The following IGSF11 variants were observed in gnomAD, a reference collection of about 807,000 sequenced individuals.
IGSF11 encodes the protein CXADR like 1.
In IGSF11, 22 loss-of-function variants were observed where a neutral mutation model predicts 41.0. The observed-to-expected ratio is 0.54, with a 90% CI of 0.38 to 0.77. The LOEUF (loss-of-function observed/expected upper bound fraction) is 0.77, where lower values mean the gene tolerates loss of function less well. Ranked by LOEUF, IGSF11 falls within the 30% of genes least tolerant of loss-of-function variation. The pLI is 0.00. For synonymous variants in IGSF11, 219 were observed against 201.3 expected (o/e 1.09, Z -0.74); for missense variants, 444 against 530.8 (o/e 0.84, Z 1.61).
rs543897700 is a variant in IGSF11 at position 119,074,807 on chromosome 3, G to A, written c.49+30337C>T. On this transcript the variant is annotated intron_variant, in intron 1 of 6. Transcript: ENST00000354673. Reference sequence around the variant, plus strand: ...GCGGAGCTTGCAGTGAGCTGAGATCGCACCACTGCACTCCAGCCTGGGCGA... The same window carrying A: ...GCGGAGCTTGCAGTGAGCTGAGATCACACCACTGCACTCCAGCCTGGGCGA... Among the ~76,000 whole-genome samples the A allele has an allele frequency of 1.6e-3, 250 of 152,036 alleles. 1 individual carries two copies. Among genetic ancestry groups the A allele is most frequent in the Admixed American group, 3.0e-3 (45 of 15,254 alleles).
chr3:119,043,931 T>C (rs1169739734), intron 1 of IGSF11, among the ~76,000 whole-genome samples: 1 of 152,146 alleles, frequency 6.6e-6, no homozygotes, highest in Non-Finnish European at 1.5e-5. Context: ...GTTCCAGATC[T>C]TTCCACTGAA....
At chr3:119,048,691 C>A (rs1441973662) in intron 1 of IGSF11, among the ~76,000 whole-genome samples, 61 of 151,752 alleles carry the variant, frequency 4.0e-4, no homozygotes, top group East Asian at 1.2e-3. Flanking sequence ...AGAGACACAA[C>A]AAAAAAAGAC....
intron 1 of IGSF11, among the ~76,000 whole-genome samples, chr3:119,059,950 A>C (rs1290687804): frequency 1.3e-5 from 2 of 152,320 alleles, no homozygotes; most frequent in East Asian, 3.9e-4. Context: ...GAGATGAAAA[A>C]GAGTTCATTC....
At chr3:118,922,400 TA>T in intron 4 of IGSF11, among the ~76,000 whole-genome samples, 1 of 132,068 alleles carries the variant, frequency 7.6e-6, no homozygotes, top group East Asian at 2.0e-4. Flanking sequence ...TCACATCACA[TA>T]ACTACCTTTG....
At chr3:119,013,881 A>G (rs914750405) in intron 1 of IGSF11, among the ~76,000 whole-genome samples, 2 of 152,238 alleles carry the variant, frequency 1.3e-5, no homozygotes, top group African/African-American at 4.8e-5. Context: ...ATCTTGAGTA[A>G]TAAGATTAAA....
chr3:119,040,730 GT>G (rs1248569334), intron 1 of IGSF11, among the ~76,000 whole-genome samples: 1 of 152,138 alleles, frequency 6.6e-6, no homozygotes, highest in East Asian at 1.9e-4. Flanking sequence ...CATGACACAT[GT>G]AGATACTGAA....
At chr3:118,999,155 G>C (rs936313974) in intron 1 of IGSF11, among the ~76,000 whole-genome samples, 1 of 151,708 alleles carries the variant, frequency 6.6e-6, no homozygotes, top group Admixed American at 6.6e-5. Flanking sequence ...GAAACAAATC[G>C]AGTGAATGGG....
intron 1 of IGSF11, among the ~76,000 whole-genome samples, chr3:119,057,817 T>C (rs374696105): frequency 2.1e-4 from 32 of 152,106 alleles, no homozygotes; most frequent in South Asian, 1.9e-3. Context: ...GAAATAACGC[T>C]GCATATCTAC....
At chr3:119,032,636 C>A (rs1390591039) in intron 1 of IGSF11, among the ~76,000 whole-genome samples, 1 of 152,140 alleles carries the variant, frequency 6.6e-6, no homozygotes, top group Non-Finnish European at 1.5e-5. Context: ...CAGGCTGTTC[C>A]TTTGGTTAAG....
chr3:119,003,295 A>C (rs1289941615), intron 1 of IGSF11, among the ~76,000 whole-genome samples: 4 of 142,742 alleles, frequency 2.8e-5, no homozygotes, highest in African/African-American at 1.1e-4. Flanking sequence ...GGTGTATAAG[A>C]ATGCTTGTGA....
chr3:119,120,716 T>G (rs922173688), intron 1 of IGSF11, among the ~76,000 whole-genome samples: 5 of 152,186 alleles, frequency 3.3e-5, no homozygotes, highest in African/African-American at 1.2e-4. Flanking sequence ...TGTACAGGTT[T>G]TACCTGAAGG....
chr3:118,999,345 G>T (rs1936581062), intron 1 of IGSF11, among the ~76,000 whole-genome samples: 1 of 152,088 alleles, frequency 6.6e-6, no homozygotes, highest in South Asian at 2.1e-4. Flanking sequence ...CAATGACTAG[G>T]TTATATATAA....
chr3:119,118,902 T>G (rs1374392715), intron 1 of IGSF11, among the ~76,000 whole-genome samples: 1 of 152,140 alleles, frequency 6.6e-6, no homozygotes, highest in Non-Finnish European at 1.5e-5. Context: ...GTCTCTGTGC[T>G]AAAATGTAAC....
chr3:119,066,162 C>A (rs1050035513), intron 1 of IGSF11, among the ~76,000 whole-genome samples: 2 of 152,056 alleles, frequency 1.3e-5, no homozygotes, highest in African/African-American at 4.8e-5. Flanking sequence ...AGGCAGACAA[C>A]AGTTAGGGCC....
chr3:119,086,253 A>G (rs2076671051), intron 1 of IGSF11, among the ~76,000 whole-genome samples: 1 of 152,232 alleles, frequency 6.6e-6, no homozygotes, highest in African/African-American at 2.4e-5. Flanking sequence ...GAGACCAAAT[A>G]TATGACTCAC....
intron 1 of IGSF11, among the ~76,000 whole-genome samples, chr3:119,085,994 A>G (rs1368704413): frequency 2.0e-5 from 3 of 152,238 alleles, no homozygotes; most frequent in African/African-American, 7.2e-5. Context: ...TGTGAGTTTC[A>G]ATACCCTCTA....
chr3:119,100,708 A>G (rs2076925536), intron 1 of IGSF11, among the ~76,000 whole-genome samples: 1 of 152,226 alleles, frequency 6.6e-6, no homozygotes, highest in Admixed American at 6.5e-5. Flanking sequence ...AAAGGGCTGG[A>G]CCATGAGACG....
At chr3:119,073,523 G>A (rs905244554) in intron 1 of IGSF11, among the ~76,000 whole-genome samples, 1 of 152,212 alleles carries the variant, frequency 6.6e-6, no homozygotes, top group African/African-American at 2.4e-5. Flanking sequence ...GGGCATGGTG[G>A]GCTGCAGGTC....
At position 119,074,047 on chromosome 3, in the gene IGSF11, G is replaced by A. The variant is rs946928544; in HGVS notation, c.49+31097C>T. Among the ~76,000 whole-genome samples, 3 of 152,322 alleles carry A rather than the reference G, an allele frequency of 2.0e-5. No homozygotes were observed. In the East Asian group the frequency reaches 5.8e-4, roughly 29 times the overall value. ...TCTTAGAGACCTGCAAATAGACTTA[G>A]ATAACCACACAGTAATAGTGGGAGA... On this transcript the variant is annotated intron_variant, in intron 1 of 6. Coordinates refer to the IGSF11 transcript ENST00000354673.
Sources: allele counts gnomAD v4.1 joint callset (sites outside exome capture counted in the v4.1 genomes callset), GRCh38; gene constraint gnomAD v4.1.1; transcripts MANE v1.5; gene names NCBI Gene and HGNC (gene_info 2026-07-23, HGNC 2026-07-21).